Variants in GPAT4 observed in about 807,000 individuals in gnomAD.
The protein encoded by GPAT4 is glycerol-3-phosphate acyltransferase 4.
In GPAT4, 17 loss-of-function variants were observed where a neutral mutation model predicts 58.0. The ratio of observed to expected loss-of-function variants is 0.29; its 90% CI spans 0.20 to 0.44. The LOEUF (loss-of-function observed/expected upper bound fraction) is 0.44, where lower values mean the gene tolerates loss of function less well. GPAT4 is among the 20% of genes least tolerant of loss of function. The pLI is 1.00. For synonymous variants in GPAT4, 204 were observed against 210.1 expected (o/e 0.97, Z 0.25); for missense variants, 377 against 574.5 (o/e 0.66, Z 3.51).
chr8:41,597,658 A>G (rs1445905692), intron 1 of GPAT4, among the ~76,000 whole-genome samples: 1 of 152,248 alleles, frequency 6.6e-6, no homozygotes, highest in Non-Finnish European at 1.5e-5. Flanking sequence ...AAAAGTAAAA[A>G]TATCAGTGTT....
chr8:41,604,163 T>C (rs1803190643), intron 2 of GPAT4, among the ~76,000 whole-genome samples: 2 of 152,182 alleles, frequency 1.3e-5, no homozygotes, highest in Non-Finnish European at 2.9e-5. Context: ...TTATCAGCCA[T>C]TTTCACATTT....
intron 1 of GPAT4, among the ~76,000 whole-genome samples, chr8:41,592,684 C>T (rs950847732): frequency 1.3e-5 from 2 of 152,128 alleles, no homozygotes; most frequent in African/African-American, 4.8e-5. Flanking sequence ...AAAAACATTT[C>T]ATGTTTTTCC....
intron 1 of GPAT4, among the ~76,000 whole-genome samples, chr8:41,593,103 G>A (rs1802836817): frequency 6.6e-6 from 1 of 152,164 alleles, no homozygotes; most frequent in Admixed American, 6.5e-5. Context: ...ACTTATTGCT[G>A]TTAATGACAG....
At chr8:41,582,952 G>A (rs1802562153) in intron 1 of GPAT4, among the ~76,000 whole-genome samples, 1 of 152,040 alleles carries the variant, frequency 6.6e-6, no homozygotes, top group Non-Finnish European at 1.5e-5. Context: ...GCCTGACGTG[G>A]TGGCTCATGC....
Position 41,621,177 on chromosome 8 carries a change from C to T in GPAT4, c.*176C>T. ...CAGCGGGATCCCTGTGCACCCGGCG[C>T]AGCCTACCCTTGGTGGTCTAAACGG... is the stretch of plus-strand genomic sequence containing the variant. On this transcript the variant is annotated 3_prime_UTR_variant, in exon 13 of 13. Transcript: ENST00000396987. 1.1e-6 allele frequency: 1 copy of T among 898,890 alleles called. No homozygotes were observed. Among genetic ancestry groups the T allele is most frequent in the East Asian group, 2.7e-5 (1 of 37,340 alleles). 55.7% of individuals were successfully genotyped at this position (898,890 alleles called of 1,614,324 possible).
At chr8:41,588,543 C>A (rs933750476) in intron 1 of GPAT4, among the ~76,000 whole-genome samples, 3 of 149,732 alleles carry the variant, frequency 2.0e-5, no homozygotes, top group African/African-American at 7.4e-5. Flanking sequence ...TCCTTTCCTT[C>A]TGTTTTGTTT....
intron 5 of GPAT4, among the ~76,000 whole-genome samples, chr8:41,611,556 C>T (rs551620150): frequency 6.6e-5 from 10 of 152,358 alleles, no homozygotes; most frequent in African/African-American, 2.4e-4. Context: ...AGAAACCTTT[C>T]TTCTGCCTGG....
rs10104838 is a variant in GPAT4 at position 41,597,824 on chromosome 8, G to T, written c.-848-468G>T. 2.6e-5 allele frequency among the ~76,000 whole-genome samples: 4 copies of T among 152,294 alleles called. 1 individual carries two copies. The highest frequency in any genetic ancestry group is 6.8e-3 in the Middle Eastern group (2 of 294). On this transcript the variant is annotated intron_variant, in intron 1 of 12. Coordinates refer to ENST00000396987, the MANE Select transcript of GPAT4 (RefSeq NM_178819.4). ...CAAAAAGCAAGGTGAAGAATAATAC[G>T]TCCTTGTTGCCTGGCCTGGGGGCCA...
At chr8:41,593,538 G>C (rs1802848268) in intron 1 of GPAT4, among the ~76,000 whole-genome samples, 1 of 152,208 alleles carries the variant, frequency 6.6e-6, no homozygotes, top group South Asian at 2.1e-4. Flanking sequence ...CTCAGCCTCA[G>C]GTGTGACTGG....
In GPAT4 at chr8:41,608,832, G is replaced by A. The variant is rs572096446; in HGVS notation, c.166-584G>A. On this transcript the variant is annotated intron_variant, in intron 2 of 12. Transcript: ENST00000396987. ...AATTGAATCTGGGTTTTTTTTTTTC[G>A]GTCTCCTAATAGTGTTCTTTTTTTC... Among the ~76,000 whole-genome samples the A allele has an allele frequency of 8.0e-5, 12 of 150,742 alleles. No homozygotes were observed. In the South Asian group the frequency reaches 2.3e-3, roughly 29 times the overall value.
At chr8:41,616,873 G>A (rs983033605) in intron 10 of GPAT4, among the ~76,000 whole-genome samples, 1 of 152,164 alleles carries the variant, frequency 6.6e-6, no homozygotes, top group Non-Finnish European at 1.5e-5. Flanking sequence ...TAACCTTAGC[G>A]ATTTCAAGGC....
intron 1 of GPAT4, among the ~76,000 whole-genome samples, chr8:41,581,913 G>A (rs1226222856): frequency 3.4e-5 from 5 of 147,968 alleles, no homozygotes; most frequent in Non-Finnish European, 7.4e-5. Flanking sequence ...GATTACAGGC[G>A]TGAGCCATCG....
chr8:41,602,127 G>A (rs1282276819), intron 2 of GPAT4, among the ~76,000 whole-genome samples: 1 of 152,118 alleles, frequency 6.6e-6, no homozygotes, highest in Non-Finnish European at 1.5e-5. Flanking sequence ...GCTAATTTTT[G>A]TATTTTTAGT....
intron 1 of GPAT4, among the ~76,000 whole-genome samples, chr8:41,580,776 A>G (rs1175719771): frequency 6.6e-6 from 1 of 152,202 alleles, no homozygotes; most frequent in Non-Finnish European, 1.5e-5. Flanking sequence ...TTTGAGTGTC[A>G]TGGTAAATCA....
chr8:41,599,044 C>CT lies in GPAT4; in HGVS notation c.-94dup. 1.3e-6 allele frequency: 2 copies of CT among 1,483,520 alleles called. No individual in the cohort carries two copies. Among genetic ancestry groups the CT allele is most frequent in the East Asian group, 2.3e-5 (1 of 43,564 alleles). 91.9% of individuals were successfully genotyped at this position (1,483,520 alleles called of 1,614,324 possible). ...GGGTTTGCTGTTCTTCGGGAACTTG[C>CT]TTCCTTTCCCTGGCTGGTGCTGTCA... On this transcript the variant is annotated 5_prime_UTR_variant, in exon 2 of 13. It removes the in-frame stop codon of an upstream open reading frame in the 5' UTR. Transcript: ENST00000396987.
At chr8:41,619,600 C>A (rs937786890) in intron 12 of GPAT4, among the ~76,000 whole-genome samples, 3 of 152,140 alleles carry the variant, frequency 2.0e-5, no homozygotes. Context: ...ATTTGACCAG[C>A]CCTTATACTA....
intron 10 of GPAT4, 58 bp from the exon 11 acceptor site, chr8:41,618,626 A>T: frequency 1.2e-6 from 2 of 1,600,132 alleles, no homozygotes; most frequent in Non-Finnish European, 1.7e-6. Context: ...GTCACTGTGG[A>T]CTCGCAAACG....
intron 1 of GPAT4, among the ~76,000 whole-genome samples, chr8:41,581,651 CAG>C (rs1186200651): frequency 3.3e-5 from 4 of 122,834 alleles, no homozygotes; most frequent in African/African-American, 1.2e-4. Flanking sequence ...TTTTTTGAGA[CAG>C]AGTCTTGCTC....
chr8:41,609,896 G>A lies in GPAT4; in HGVS notation c.477G>A (p.Arg159=), dbSNP rs753407198. 2 of 1,614,196 alleles carry A rather than the reference G, an allele frequency of 1.2e-6. No homozygotes were observed. The change falls in exon 4 of 13, where the codon CGG becomes CGA. Residue 159 remains arginine, a synonymous_variant. Coordinates refer to ENST00000396987, the MANE Select transcript of GPAT4 (RefSeq NM_178819.4). Reference sequence around the variant, plus strand: ...ATAACTTCCAGTACATCAGCCTTCGGCTCACGGTCCTGTGGGGGTTAGGAG... The same window carrying A: ...ATAACTTCCAGTACATCAGCCTTCGACTCACGGTCCTGTGGGGGTTAGGAG... ...TNYNFQYISL[R]LTVLWGLGVL...
Sources: gnomAD v4.1 joint callset for allele counts (sites outside exome capture counted in the v4.1 genomes callset) on GRCh38, gnomAD v4.1.1 for gene constraint, MANE v1.5 for transcripts, NCBI Gene and HGNC (gene_info 2026-07-23, HGNC 2026-07-21) for gene names.